TRPS1: variants seen among roughly 807,000 people sequenced by gnomAD.
The protein encoded by TRPS1 is zinc finger transcription factor Trps1.
In TRPS1, 6 loss-of-function variants were observed where a neutral mutation model predicts 101.2. The ratio of observed to expected loss-of-function variants is 0.06; its 90% CI spans 0.03 to 0.12. The LOEUF is 0.12. Among genes scored for constraint, TRPS1 ranks in the 10% least tolerant of loss-of-function variants. TRPS1 has a pLI of 1.00. For synonymous variants in TRPS1, 578 were observed against 589.8 expected (o/e 0.98, Z 0.29); for missense variants, 1,363 against 1,567.0 (o/e 0.87, Z 2.20).
At chr8:115,551,234 T>C (rs924619969) in intron 5 of TRPS1, among the ~76,000 whole-genome samples, 2 of 152,352 alleles carry the variant, frequency 1.3e-5, no homozygotes, top group African/African-American at 4.8e-5. Context: ...CATGATTTTA[T>C]GATAGATTTG....
chr8:115,487,491 T>A (rs1317078425), intron 5 of TRPS1, among the ~76,000 whole-genome samples: 1 of 152,156 alleles, frequency 6.6e-6, no homozygotes, highest in Non-Finnish European at 1.5e-5. Context: ...CTCTGATGGA[T>A]CTGGGCAAAG....
rs73705199 is a variant in TRPS1 at position 115,444,181 on chromosome 8, G to A, written c.2701-25729C>T. ...GTACTTGCCAGTTTTTATAAGGAAT[G>A]TGATTTCTTACCATCATGTCTGGTG... is the stretch of plus-strand genomic sequence containing the variant. On this transcript the variant is annotated intron_variant, in intron 5 of 6. Transcript: ENST00000395715. 8.1e-3 allele frequency among the ~76,000 whole-genome samples: 1,228 copies of A among 152,282 alleles called. 18 individuals carry two copies. Among genetic ancestry groups the A allele is most frequent in the African/African-American group, 0.028 (1,180 of 41,534 alleles).
chr8:115,520,034 C>T (rs1815818638), intron 5 of TRPS1, among the ~76,000 whole-genome samples: 1 of 151,596 alleles, frequency 6.6e-6, no homozygotes, highest in African/African-American at 2.4e-5. Flanking sequence ...CATCTAGATT[C>T]TAAACACTGA....
intron 5 of TRPS1, among the ~76,000 whole-genome samples, chr8:115,469,540 C>T (rs1378543569): frequency 6.6e-6 from 1 of 151,876 alleles, no homozygotes; most frequent in African/African-American, 2.4e-5. Flanking sequence ...GCTCTGTCAC[C>T]CAGGCTCGAG....
chr8:115,616,001 G>C (rs907340617), intron 3 of TRPS1, among the ~76,000 whole-genome samples: 5 of 151,570 alleles, frequency 3.3e-5, no homozygotes, highest in Admixed American at 3.3e-4. Flanking sequence ...AAATCAATTA[G>C]CTCTAAGCTA....
chr8:115,548,244 T>C (rs1027320973), intron 5 of TRPS1, among the ~76,000 whole-genome samples: 1 of 152,050 alleles, frequency 6.6e-6, no homozygotes, highest in Non-Finnish European at 1.5e-5. Context: ...TACATATATA[T>C]AAATAATCCT....
intron 5 of TRPS1, among the ~76,000 whole-genome samples, chr8:115,453,659 A>G (rs189480295): frequency 2.5e-3 from 374 of 152,306 alleles, no homozygotes; most frequent in African/African-American, 8.3e-3. Flanking sequence ...ACTACTAGAG[A>G]AACTCATGAA....
chr8:115,460,597 A>T (rs1252640935), intron 5 of TRPS1, among the ~76,000 whole-genome samples: 1 of 152,162 alleles, frequency 6.6e-6, no homozygotes, highest in Non-Finnish European at 1.5e-5. Context: ...TTACAGTGGC[A>T]TCAGATCTGA....
At position 115,436,930 on chromosome 8, in the gene TRPS1, A is replaced by T. The variant is rs570162716; in HGVS notation, c.2701-18478T>A. On this transcript the variant is annotated intron_variant, in intron 5 of 6. Transcript: ENST00000395715. ...TACCAGAAGTAAAGCAGTAAAAAAT[A>T]AAAAAAAAGTCAATACATTTCATAG... is the stretch of plus-strand genomic sequence containing the variant. Among the ~76,000 whole-genome samples the T allele has an allele frequency of 3.0e-3, 407 of 136,364 alleles. 2 individuals carry two copies. Among genetic ancestry groups the T allele is most frequent in the African/African-American group, 9.6e-3 (382 of 39,870 alleles). The allele number at this position is 136,364 out of a possible 152,430, so 89.5% of individuals were successfully genotyped here. A position where few individuals can be genotyped will look rare whatever the true frequency, so the allele number is the denominator to read the frequency against.
intron 1 of TRPS1, among the ~76,000 whole-genome samples, chr8:115,625,855 T>C (rs1317100024): frequency 6.6e-6 from 1 of 151,902 alleles, no homozygotes; most frequent in African/African-American, 2.4e-5. Flanking sequence ...GCGCATAATT[T>C]TTAATTATAA....
intron 5 of TRPS1, among the ~76,000 whole-genome samples, chr8:115,542,637 T>C (rs1816481379): frequency 6.6e-6 from 1 of 152,136 alleles, no homozygotes; most frequent in South Asian, 2.1e-4. Context: ...GTTTGCACCC[T>C]GCTTTTAGAC....
At chr8:115,448,571 C>T (rs1167861305) in intron 5 of TRPS1, among the ~76,000 whole-genome samples, 1 of 152,150 alleles carries the variant, frequency 6.6e-6, no homozygotes, top group Non-Finnish European at 1.5e-5. Flanking sequence ...GGTTCCCAAA[C>T]TCCATCCTCA....
chr8:115,419,818 T>C (rs572827496), intron 5 of TRPS1, among the ~76,000 whole-genome samples: 34 of 152,338 alleles, frequency 2.2e-4, no homozygotes, highest in African/African-American at 8.2e-4. Flanking sequence ...ATGCAAGTGC[T>C]ATCAGAGGCT....
intron 5 of TRPS1, among the ~76,000 whole-genome samples, chr8:115,451,479 T>C (rs962470308): frequency 3.3e-5 from 5 of 152,232 alleles, no homozygotes; most frequent in Admixed American, 2.6e-4. Context: ...GATGAACACA[T>C]GAAAGAAACA....
chr8:115,528,366 G>A (rs980147205), intron 5 of TRPS1, among the ~76,000 whole-genome samples: 13 of 151,978 alleles, frequency 8.6e-5, no homozygotes, highest in African/African-American at 9.7e-5. Flanking sequence ...TGAGTTATAC[G>A]CTACCTCTCT....
intron 5 of TRPS1, among the ~76,000 whole-genome samples, chr8:115,519,198 CAT>C (rs201128793): frequency 1.3e-5 from 2 of 151,570 alleles, no homozygotes; most frequent in East Asian, 1.9e-4. Flanking sequence ...AAAAAGCAAA[CAT>C]GTCATTTAAA....
intron 5 of TRPS1, among the ~76,000 whole-genome samples, chr8:115,532,983 C>T (rs545463619): frequency 1.3e-5 from 2 of 152,210 alleles, no homozygotes; most frequent in Non-Finnish European, 2.9e-5. Context: ...AGAAGTTCAG[C>T]AGCTATTGTG....
intron 5 of TRPS1, among the ~76,000 whole-genome samples, chr8:115,424,270 CTG>C (rs1813138126): frequency 1.3e-5 from 2 of 152,100 alleles, no homozygotes; most frequent in South Asian, 2.1e-4. Flanking sequence ...TAAATATTTT[CTG>C]TGTTTATCTG....
intron 5 of TRPS1, among the ~76,000 whole-genome samples, chr8:115,437,040 G>A (rs1413483833): frequency 6.6e-6 from 1 of 152,106 alleles, no homozygotes; most frequent in African/African-American, 2.4e-5. Flanking sequence ...GCATTGGATA[G>A]TACTGCTGAC....
Sources: allele counts gnomAD v4.1 joint callset (sites outside exome capture counted in the v4.1 genomes callset), GRCh38; gene constraint gnomAD v4.1.1; transcripts MANE v1.5; gene names NCBI Gene and HGNC (gene_info 2026-07-23, HGNC 2026-07-21).